The following DAPK1 variants were observed in gnomAD, a reference collection of about 807,000 sequenced individuals.
The protein encoded by DAPK1 is death associated protein kinase 1, also known as death-associated protein kinase 1.
A neutral mutation model predicts 144.9 loss-of-function variants in DAPK1; 56 were observed. That is an observed-to-expected ratio of 0.39 (90% CI 0.31 to 0.48). The LOEUF is 0.48. Among genes scored for constraint, DAPK1 ranks in the 20% least tolerant of loss-of-function variants. DAPK1 has a pLI of 0.95. For missense variants in DAPK1, 1,454 were observed against 1,875.4 expected (o/e 0.78, Z 4.15); for synonymous variants, 690 against 749.0 (o/e 0.92, Z 1.29).
chr9:87,586,364 C>CTCTG (rs1400656456), intron 2 of DAPK1, among the ~76,000 whole-genome samples: 1 of 152,098 alleles, frequency 6.6e-6, no homozygotes, highest in Non-Finnish European at 1.5e-5. Context: ...TGATGGACTA[C>CTCTG]TCTGTCTCAA....
At chr9:87,544,806 G>A (rs1179472626) in intron 2 of DAPK1, among the ~76,000 whole-genome samples, 1 of 152,110 alleles carries the variant, frequency 6.6e-6, no homozygotes, top group African/African-American at 2.4e-5. Flanking sequence ...ATTTTCCTAC[G>A]AGTACCCAAA....
intron 20 of DAPK1, 54 bp downstream of exon 20, chr9:87,681,680 C>T (rs780531312): frequency 7.7e-6 from 7 of 908,594 alleles, no homozygotes; most frequent in South Asian, 6.7e-5. Flanking sequence ...CTTCCGCACT[C>T]TCTCCTTTCA....
chr9:87,561,443 G>A (rs951305408), intron 2 of DAPK1, among the ~76,000 whole-genome samples: 14 of 151,878 alleles, frequency 9.2e-5, no homozygotes, highest in East Asian at 7.8e-4. Context: ...GGAGAATGGC[G>A]TGAACCCGGG....
chr9:87,583,359 G>A (rs1411547627), intron 2 of DAPK1, among the ~76,000 whole-genome samples: 1 of 152,126 alleles, frequency 6.6e-6, no homozygotes. Flanking sequence ...TTGTTCCTCA[G>A]CATATTTAAA....
chr9:87,568,883 G>A (rs537100590), intron 2 of DAPK1, among the ~76,000 whole-genome samples: 61 of 152,296 alleles, frequency 4.0e-4, no homozygotes, highest in Middle Eastern at 3.4e-3. Flanking sequence ...CTCATTTCTT[G>A]TCCTCAGATG....
intron 19 of DAPK1, 200 bp downstream of exon 19, chr9:87,668,874 T>C: frequency 1.8e-6 from 1 of 556,624 alleles, no homozygotes; most frequent in Non-Finnish European, 3.2e-6. Context: ...TATTTGGACT[T>C]GGAAATCATT....
At chr9:87,647,487 G>A (rs932582648) in intron 14 of DAPK1, 84 bp downstream of exon 14, 16 of 1,118,414 alleles carry the variant, frequency 1.4e-5, no homozygotes, top group African/African-American at 4.6e-5. Context: ...CGTGTGCATC[G>A]GGACCCAAAG....
At chr9:87,581,909 C>A (rs910564556) in intron 2 of DAPK1, among the ~76,000 whole-genome samples, 9 of 152,146 alleles carry the variant, frequency 5.9e-5, no homozygotes, top group Non-Finnish European at 1.2e-4. Context: ...TTGAGACACT[C>A]GGGCTTAATG....
At chr9:87,561,884 C>T (rs1826939534) in intron 2 of DAPK1, among the ~76,000 whole-genome samples, 1 of 152,182 alleles carries the variant, frequency 6.6e-6, no homozygotes, top group South Asian at 2.1e-4. Context: ...CTGCATCCAC[C>T]ATGCCCAGGG....
chr9:87,533,143 A>G (rs1011420717), intron 2 of DAPK1, among the ~76,000 whole-genome samples: 1 of 152,226 alleles, frequency 6.6e-6, no homozygotes, highest in Non-Finnish European at 1.5e-5. Flanking sequence ...CACATTGTAA[A>G]TTTTGTGTAC....
chr9:87,700,818 A>G (rs999650729), intron 24 of DAPK1, among the ~76,000 whole-genome samples: 1 of 152,212 alleles, frequency 6.6e-6, no homozygotes, highest in African/African-American at 2.4e-5. Context: ...GGAAAAAACC[A>G]AAAAATTCAA....
At chr9:87,632,625 T>C in intron 3 of DAPK1, 1 of 981,948 alleles carries the variant, frequency 1.0e-6, no homozygotes, top group Non-Finnish European at 1.2e-6. Flanking sequence ...GGGTGATCAG[T>C]ATATATGTAG....
intron 2 of DAPK1, among the ~76,000 whole-genome samples, chr9:87,525,100 TC>T (rs952614636): frequency 6.6e-6 from 1 of 152,130 alleles, no homozygotes; most frequent in African/African-American, 2.4e-5. Flanking sequence ...CCCTGAGGTC[TC>T]CCTGGGGTCC....
intron 2 of DAPK1, among the ~76,000 whole-genome samples, chr9:87,502,197 G>T (rs1424858766): frequency 6.6e-6 from 1 of 151,998 alleles, no homozygotes; most frequent in African/African-American, 2.4e-5. Context: ...ACAGCATTCA[G>T]CCTCCACTAT....
chr9:87,627,182 G>A (rs1349456280), intron 3 of DAPK1, among the ~76,000 whole-genome samples: 2 of 152,202 alleles, frequency 1.3e-5, no homozygotes, highest in Non-Finnish European at 2.9e-5. Context: ...GTGTCTGGGT[G>A]TGGTTGCCTC....
chr9:87,556,150 C>A (rs893356581), intron 2 of DAPK1, among the ~76,000 whole-genome samples: 1 of 152,142 alleles, frequency 6.6e-6, no homozygotes, highest in Non-Finnish European at 1.5e-5. Flanking sequence ...AATAGAAGGA[C>A]ATTTTGGGTG....
chr9:87,649,894 C>A, intron 15 of DAPK1, 27 bp from the exon 16 acceptor site: 2 of 1,610,800 alleles, frequency 1.2e-6, no homozygotes, highest in Admixed American at 3.3e-5. Context: ...GTGTTCTCCT[C>A]CTCTCTGTAC....
At chr9:87,679,151 C>A (rs1418799998) in intron 19 of DAPK1, among the ~76,000 whole-genome samples, 1 of 151,464 alleles carries the variant, frequency 6.6e-6, no homozygotes, top group Non-Finnish European at 1.5e-5. Context: ...TGGTTTATGG[C>A]GATTCTACAC....
chr9:87,587,424 T>C (rs1359600435), intron 2 of DAPK1, among the ~76,000 whole-genome samples: 1 of 152,202 alleles, frequency 6.6e-6, no homozygotes, highest in Non-Finnish European at 1.5e-5. Context: ...CATGAGAAAT[T>C]TGAGGCTCCT....
Sources: allele counts gnomAD v4.1 joint callset (sites outside exome capture counted in the v4.1 genomes callset), GRCh38; gene constraint gnomAD v4.1.1; transcripts MANE v1.5; gene names NCBI Gene and HGNC (gene_info 2026-07-23, HGNC 2026-07-21).